The following KCNJ6 variants were observed in gnomAD, a reference collection of about 807,000 sequenced individuals.
KCNJ6 encodes potassium inwardly rectifying channel subfamily J member 6, also known as G protein-activated inward rectifier potassium channel 2.
Under a neutral mutation model 34.2 loss-of-function variants are expected in KCNJ6, and 9 were observed. The observed-to-expected ratio is 0.26, with a 90% CI of 0.16 to 0.46. KCNJ6 has a LOEUF of 0.46. Ranked by LOEUF, KCNJ6 falls within the 20% of genes least tolerant of loss-of-function variation. KCNJ6 has a pLI of 1.00. For missense variants in KCNJ6, 236 were observed against 531.3 expected (o/e 0.44, Z 5.46); for synonymous variants, 196 against 207.1 (o/e 0.95, Z 0.46).
intron 3 of KCNJ6, among the ~76,000 whole-genome samples, chr21:37,646,030 A>G (rs538587242): frequency 2.4e-4 from 36 of 152,288 alleles, no homozygotes; most frequent in African/African-American, 8.4e-4. Context: ...TGGTTTATAG[A>G]ATGTGAGACA....
At position 37,616,608 on chromosome 21, in the gene KCNJ6, T is replaced by TATATATAC. The variant is rs2054268857; in HGVS notation, c.*8550_*8551insGTATATAT. 2 of 127,590 alleles carry TATATATAC rather than the reference T, an allele frequency of 1.6e-5. No homozygotes were observed. Among genetic ancestry groups the TATATATAC allele is most frequent in the South Asian group, 2.6e-4 (1 of 3,796 alleles). 7.9% of individuals were successfully genotyped at this position (127,590 alleles called of 1,614,324 possible). A position where few individuals can be genotyped will look rare whatever the true frequency, so the allele number is the denominator to read the frequency against. ...AAATGTACATATATATATATATATA[T>TATATATAC]ATATATATGGTTAGACTCTGAACAT... On this transcript the variant is annotated 3_prime_UTR_variant, in exon 4 of 4. Coordinates refer to ENST00000609713, the MANE Select transcript of KCNJ6 (RefSeq NM_002240.5).
At chr21:37,679,763 T>C (rs1017910312) in intron 3 of KCNJ6, among the ~76,000 whole-genome samples, 21 of 152,214 alleles carry the variant, frequency 1.4e-4, no homozygotes, top group African/African-American at 4.8e-4. Context: ...ACACTCAGCC[T>C]GGCACTCTGT....
rs186551900 is a variant in KCNJ6, at chr21:37,740,867, C to T, written c.26-25736G>A. On this transcript the variant is annotated intron_variant, in intron 2 of 3. Transcript: ENST00000609713. ...TAGACTTTGCTGCTAAAAAGCATGA[C>T]TGCAAATCTGATAAACACTCCAGCT... is the stretch of plus-strand genomic sequence containing the variant. 7.2e-5 allele frequency among the ~76,000 whole-genome samples: 11 copies of T among 152,364 alleles called. No homozygotes were observed. In the East Asian group the frequency reaches 2.1e-3, roughly 29 times the overall value.
chr21:37,904,275 A>G (rs2055830917), intron 1 of KCNJ6, among the ~76,000 whole-genome samples: 1 of 152,202 alleles, frequency 6.6e-6, no homozygotes, highest in African/African-American at 2.4e-5. Flanking sequence ...CCAGTGGCCA[A>G]GATAACCACT....
At chr21:37,664,163 A>G (rs2123401098) in intron 3 of KCNJ6, among the ~76,000 whole-genome samples, 1 of 152,308 alleles carries the variant, frequency 6.6e-6, no homozygotes, top group South Asian at 2.1e-4. Context: ...AGAATTGAAC[A>G]ATAGAATAAA....
chr21:37,733,718 A>G (rs1301992428), intron 2 of KCNJ6, among the ~76,000 whole-genome samples: 1 of 152,248 alleles, frequency 6.6e-6, no homozygotes, highest in Non-Finnish European at 1.5e-5. Context: ...AGCAAATGAA[A>G]TAATTTTAGT....
At chr21:37,890,971 T>C (rs1039518124) in intron 1 of KCNJ6, among the ~76,000 whole-genome samples, 4 of 152,100 alleles carry the variant, frequency 2.6e-5, no homozygotes, top group Admixed American at 6.5e-5. Flanking sequence ...ATATTGCGCA[T>C]TGAAAGTCAG....
chr21:37,655,178 TTTGTGTGTGTGTGTGTGTG>T (rs1275893408), intron 3 of KCNJ6, among the ~76,000 whole-genome samples: 1,123 of 78,114 alleles, frequency 0.014, 27 homozygotes, highest in African/African-American at 0.048. Context: ...ACTCTAGACA[TTTGTGTGTGTGTGTGTGTG>T]TGTGTGTGTG....
intron 1 of KCNJ6, among the ~76,000 whole-genome samples, chr21:37,845,437 T>C (rs1181075063): frequency 1.3e-5 from 2 of 152,032 alleles, no homozygotes; most frequent in East Asian, 3.9e-4. Context: ...TTTGGAAGCC[T>C]GGGTCTAGAA....
chr21:37,751,045 A>G (rs1457163219), intron 2 of KCNJ6, among the ~76,000 whole-genome samples: 1 of 152,206 alleles, frequency 6.6e-6, no homozygotes, highest in Non-Finnish European at 1.5e-5. Flanking sequence ...TCTCAAATGT[A>G]TTTGAGTTCC....
intron 2 of KCNJ6, among the ~76,000 whole-genome samples, chr21:37,823,425 C>T (rs2055383677): frequency 6.6e-6 from 1 of 152,058 alleles, no homozygotes; most frequent in Non-Finnish European, 1.5e-5. Flanking sequence ...GGCTTTGTGT[C>T]CCCACCCAAA....
At chr21:37,773,547 G>A (rs1199673486) in intron 2 of KCNJ6, among the ~76,000 whole-genome samples, 1 of 151,844 alleles carries the variant, frequency 6.6e-6, no homozygotes, top group African/African-American at 2.4e-5. Context: ...ACATAATTGC[G>A]CATCCATGTT....
At position 37,611,989 on chromosome 21, in the gene KCNJ6, A is replaced by G. The variant is rs888537038; in HGVS notation, c.*13170T>C. The G allele has an allele frequency of 6.6e-6, 1 of 152,214 alleles. No homozygotes were observed. Among genetic ancestry groups the G allele is most frequent in the Non-Finnish European group, 1.5e-5 (1 of 68,042 alleles). The allele number at this position is 152,214 out of a possible 1,614,324, so 9.4% of individuals were successfully genotyped here. A position where few individuals can be genotyped will look rare whatever the true frequency, so the allele number is the denominator to read the frequency against. On this transcript the variant is annotated 3_prime_UTR_variant, in exon 4 of 4. Transcript: ENST00000609713. Reference sequence around the variant, plus strand: ...ACTGGAAGTCCTGGCTGATGCAATAAGACAAGGAAAGGAAATAAAAATATA... The same window carrying G: ...ACTGGAAGTCCTGGCTGATGCAATAGGACAAGGAAAGGAAATAAAAATATA...
At chr21:37,829,461 G>C (rs1195435684) in intron 2 of KCNJ6, among the ~76,000 whole-genome samples, 2 of 152,180 alleles carry the variant, frequency 1.3e-5, no homozygotes, top group African/African-American at 4.8e-5. Flanking sequence ...GGGGCTCCTG[G>C]ATGTCACCTG....
chr21:37,799,236 T>C (rs1460996054), intron 2 of KCNJ6, among the ~76,000 whole-genome samples: 1 of 152,198 alleles, frequency 6.6e-6, no homozygotes, highest in Non-Finnish European at 1.5e-5. Flanking sequence ...TCCATGTTCC[T>C]GCAAAGGACA....
intron 2 of KCNJ6, among the ~76,000 whole-genome samples, chr21:37,754,560 G>C (rs562201413): frequency 6.6e-6 from 1 of 152,320 alleles, no homozygotes; most frequent in East Asian, 1.9e-4. Flanking sequence ...TTTATTTCCT[G>C]TGGCTCTAGC....
chr21:37,639,191 C>A lies in KCNJ6; in HGVS notation c.947-13707G>T, dbSNP rs540848363. Among the ~76,000 whole-genome samples, 78 of 152,304 alleles carry A rather than the reference C, an allele frequency of 5.1e-4. No individual in the cohort carries two copies. In the South Asian group the frequency reaches 6.0e-3, roughly 12 times the overall value. Reference sequence around the variant, plus strand: ...AGATTATTTGTCTTAAGACTTCCTTCTTTTACTCTATAAAACCCACCCTCC... The same window carrying A: ...AGATTATTTGTCTTAAGACTTCCTTATTTTACTCTATAAAACCCACCCTCC... On this transcript the variant is annotated intron_variant, in intron 3 of 3. Coordinates refer to ENST00000609713, the MANE Select transcript of KCNJ6 (RefSeq NM_002240.5).
chr21:37,846,224 A>G (rs1261181150), intron 1 of KCNJ6, among the ~76,000 whole-genome samples: 1 of 152,136 alleles, frequency 6.6e-6, no homozygotes, highest in Non-Finnish European at 1.5e-5. Context: ...TCAGCTAAAG[A>G]GAGTATGGCT....
At chr21:37,759,520 A>C (rs1344641072) in intron 2 of KCNJ6, among the ~76,000 whole-genome samples, 1 of 152,174 alleles carries the variant, frequency 6.6e-6, no homozygotes, top group East Asian at 1.9e-4. Context: ...CTGTGCCGCC[A>C]AGCTTGCCAC....
Sources: gnomAD v4.1 joint callset for allele counts (sites outside exome capture counted in the v4.1 genomes callset) on GRCh38, gnomAD v4.1.1 for gene constraint, MANE v1.5 for transcripts, NCBI Gene and HGNC (gene_info 2026-07-23, HGNC 2026-07-21) for gene names.